Variants in ZBTB20 observed in about 807,000 individuals in gnomAD.
ZBTB20 encodes the protein zinc finger and BTB domain-containing protein 20.
Under a neutral mutation model 56.9 loss-of-function variants are expected in ZBTB20, and 9 were observed. The observed-to-expected ratio is 0.16, with a 90% CI of 0.10 to 0.28. ZBTB20 has a LOEUF of 0.28. ZBTB20 is among the 10% of genes least tolerant of loss of function. The probability of loss-of-function intolerance (pLI) is 1.00; values close to 1 mark genes in which losing one functional copy is unlikely to be tolerated. For synonymous variants in ZBTB20, 417 were observed against 420.7 expected, an observed-to-expected ratio of 0.99 and a Z score of 0.11; for missense variants, 655 against 1,003.0, an observed-to-expected ratio of 0.65 and a Z score of 4.69.
intron 7 of ZBTB20, among the ~76,000 whole-genome samples, chr3:114,405,730 G>A (rs1487323380): frequency 6.6e-6 from 1 of 152,068 alleles, no homozygotes; most frequent in Non-Finnish European, 1.5e-5. Context: ...CTAAAATGGT[G>A]GAGCTGTAAG....
At chr3:114,593,947 T>C (rs1036962489) in intron 6 of ZBTB20, among the ~76,000 whole-genome samples, 3 of 152,180 alleles carry the variant, frequency 2.0e-5, no homozygotes, top group African/African-American at 7.2e-5. Flanking sequence ...ACTTCTTTTT[T>C]AGTAGGAGTA....
intron 6 of ZBTB20, among the ~76,000 whole-genome samples, chr3:114,558,082 T>C (rs1230730409): frequency 6.6e-6 from 1 of 152,048 alleles, no homozygotes; most frequent in East Asian, 1.9e-4. Context: ...TTCATTCAAA[T>C]TACATTACCT....
intron 5 of ZBTB20, among the ~76,000 whole-genome samples, chr3:114,783,189 A>G (rs2070240729): frequency 6.6e-6 from 1 of 152,214 alleles, no homozygotes; most frequent in Non-Finnish European, 1.5e-5. Context: ...TAGGTAAAGT[A>G]CTACATGTTA....
At chr3:114,495,944 TA>T (rs1321713977) in intron 7 of ZBTB20, among the ~76,000 whole-genome samples, 2 of 152,228 alleles carry the variant, frequency 1.3e-5, no homozygotes, top group African/African-American at 4.8e-5. Context: ...TTTTAAAAGC[TA>T]TGCACCTTTA....
intron 1 of ZBTB20, among the ~76,000 whole-genome samples, chr3:115,140,567 G>C (rs537501788): frequency 6.6e-6 from 1 of 152,020 alleles, no homozygotes; most frequent in African/African-American, 2.4e-5. Flanking sequence ...GGTGGTGGTA[G>C]GGGTCTTTGT....
chr3:114,775,787 T>C (rs887329510), intron 5 of ZBTB20, among the ~76,000 whole-genome samples: 1 of 152,164 alleles, frequency 6.6e-6, no homozygotes, highest in African/African-American at 2.4e-5. Flanking sequence ...GACATTTGAT[T>C]GAGCTGTTGG....
chr3:115,015,100 C>T (rs2108277685), intron 2 of ZBTB20, among the ~76,000 whole-genome samples: 1 of 151,632 alleles, frequency 6.6e-6, no homozygotes, highest in South Asian at 2.1e-4. Flanking sequence ...TCTCAGATGC[C>T]CTATATGCTA....
intron 6 of ZBTB20, among the ~76,000 whole-genome samples, chr3:114,568,277 C>A (rs573553731): frequency 4.6e-5 from 7 of 152,260 alleles, no homozygotes; most frequent in South Asian, 2.1e-4. Context: ...CCTCTCCCCC[C>A]ACGAAAAACC....
At chr3:114,961,482 G>T (rs1483158290) in intron 3 of ZBTB20, among the ~76,000 whole-genome samples, 1 of 151,922 alleles carries the variant, frequency 6.6e-6, no homozygotes, top group Non-Finnish European at 1.5e-5. Flanking sequence ...TGCCTTATGA[G>T]GTCATTGTTT....
At chr3:114,366,480 C>T (rs1354670986) in intron 10 of ZBTB20, among the ~76,000 whole-genome samples, 1 of 152,076 alleles carries the variant, frequency 6.6e-6, no homozygotes, top group Non-Finnish European at 1.5e-5. Context: ...TAATTTGCGT[C>T]TTTGGATTTT....
chr3:114,936,574 T>A (rs1446636733), intron 3 of ZBTB20, among the ~76,000 whole-genome samples: 2 of 152,174 alleles, frequency 1.3e-5, no homozygotes, highest in African/African-American at 2.4e-5. Flanking sequence ...TAAGTAAAGT[T>A]TTTTAATGAA....
intron 6 of ZBTB20, among the ~76,000 whole-genome samples, chr3:114,617,571 T>C (rs2058025328): frequency 1.3e-5 from 2 of 152,206 alleles, no homozygotes; most frequent in South Asian, 4.1e-4. Context: ...AGTGAGCAAC[T>C]TGAGACCATG....
intron 6 of ZBTB20, among the ~76,000 whole-genome samples, chr3:114,552,566 T>C (rs2050712229): frequency 6.6e-6 from 1 of 152,042 alleles, no homozygotes; most frequent in African/African-American, 2.4e-5. Context: ...TAATGGGAAA[T>C]GGTTAAAGTC....
chr3:115,077,519 A>C (rs1190939763), intron 1 of ZBTB20, among the ~76,000 whole-genome samples: 1 of 152,208 alleles, frequency 6.6e-6, no homozygotes, highest in African/African-American at 2.4e-5. Context: ...ACGAGTAATA[A>C]ATTTCTGTTG....
At chr3:114,887,340 G>A (rs562826545) in intron 4 of ZBTB20, among the ~76,000 whole-genome samples, 1 of 152,228 alleles carries the variant, frequency 6.6e-6, no homozygotes, top group Non-Finnish European at 1.5e-5. Context: ...CTCTATAGTA[G>A]GTTGAATGTT....
At chr3:114,970,546 T>A (rs911371103) in intron 3 of ZBTB20, among the ~76,000 whole-genome samples, 12 of 152,268 alleles carry the variant, frequency 7.9e-5, no homozygotes, top group Middle Eastern at 3.4e-3. Context: ...TTTATTCAAT[T>A]AATAAACAGG....
At chr3:114,965,820 T>C (rs568024378) in intron 3 of ZBTB20, among the ~76,000 whole-genome samples, 112 of 152,320 alleles carry the variant, frequency 7.4e-4, no homozygotes, top group Middle Eastern at 3.4e-3. Context: ...GAGATACGTC[T>C]ATTCAGGTCC....
chr3:114,694,927 T>C (rs1234154011), intron 5 of ZBTB20, among the ~76,000 whole-genome samples: 1 of 151,972 alleles, frequency 6.6e-6, no homozygotes, highest in African/African-American at 2.4e-5. Flanking sequence ...GTCTGAAGAG[T>C]TCTGTATCAG....
intron 6 of ZBTB20, among the ~76,000 whole-genome samples, chr3:114,607,999 T>C (rs2057296580): frequency 6.6e-6 from 1 of 152,182 alleles, no homozygotes; most frequent in South Asian, 2.1e-4. Context: ...CATACTGATA[T>C]AAGGTAACAT....
Sources: allele counts gnomAD v4.1 joint callset (sites outside exome capture counted in the v4.1 genomes callset), GRCh38; gene constraint gnomAD v4.1.1; transcripts MANE v1.5; gene names NCBI Gene and HGNC (gene_info 2026-07-23, HGNC 2026-07-21).